The following PRKCE variants were observed in gnomAD, a reference collection of about 807,000 sequenced individuals.
PRKCE encodes protein kinase C epsilon type.
PRKCE carries 16 observed loss-of-function variants against 85.4 expected under a neutral mutation model. That is an observed-to-expected ratio of 0.19 (90% CI 0.13 to 0.28). The LOEUF (loss-of-function observed/expected upper bound fraction) is 0.28, where lower values mean the gene tolerates loss of function less well. Among genes scored for constraint, PRKCE ranks in the 10% least tolerant of loss-of-function variants. The probability of loss-of-function intolerance (pLI) is 1.00; values close to 1 mark genes in which losing one functional copy is unlikely to be tolerated. For missense variants in PRKCE, 573 were observed against 975.2 expected, an observed-to-expected ratio of 0.59 and a Z score of 5.49; for synonymous variants, 388 against 371.5, an observed-to-expected ratio of 1.04 and a Z score of -0.51.
chr2:46,096,665 C>A (rs1670711188), intron 11 of PRKCE, among the ~76,000 whole-genome samples: 1 of 152,178 alleles, frequency 6.6e-6, no homozygotes, highest in Admixed American at 6.5e-5. Flanking sequence ...CTTGGTCTTA[C>A]ACTTCTAGCC....
intron 2 of PRKCE, among the ~76,000 whole-genome samples, chr2:45,958,190 CAAAAAA>C (rs60711691): frequency 3.6e-5 from 4 of 110,088 alleles, no homozygotes; most frequent in East Asian, 5.5e-4. Flanking sequence ...ATTAGGCCCG[CAAAAAA>C]AAAAAAAAAA....
At chr2:45,763,753 C>G (rs1684699620) in intron 1 of PRKCE, among the ~76,000 whole-genome samples, 1 of 152,086 alleles carries the variant, frequency 6.6e-6, no homozygotes, top group Non-Finnish European at 1.5e-5. Context: ...GTAGTTTAAC[C>G]CACTCATTTT....
chr2:45,665,598 A>T (rs1004280884), intron 1 of PRKCE, among the ~76,000 whole-genome samples: 16 of 152,186 alleles, frequency 1.1e-4, no homozygotes, highest in Admixed American at 7.9e-4. Context: ...TTGCTTCTTC[A>T]TGACACCATC....
At chr2:45,661,536 T>TG (rs200768632) in intron 1 of PRKCE, among the ~76,000 whole-genome samples, 393 of 137,458 alleles carry the variant, frequency 2.9e-3, no homozygotes, top group African/African-American at 9.5e-3. Flanking sequence ...TTTTGTTTTT[T>TG]TTTTTTTTTT....
chr2:46,159,829 A>G lies in PRKCE; in HGVS notation c.2067+77A>G. On this transcript the variant is annotated intron_variant, in intron 14 of 14. Transcript: ENST00000306156. This position sits in a 1 kb window ranked among gnomAD's most constrained non-coding sequence, Gnocchi z 4.1. ...GCAGGACAGGCTGCGTGCACCCAGG[A>G]AGAGTTGGTCAGGGGATGCGTATTA... The G allele has an allele frequency of 1.3e-6, 2 of 1,562,334 alleles. No homozygotes were observed. Among genetic ancestry groups the G allele is most frequent in the Non-Finnish European group, 1.7e-6 (2 of 1,158,992 alleles).
At chr2:45,911,671 G>A (rs969533166) in intron 2 of PRKCE, among the ~76,000 whole-genome samples, 1 of 152,156 alleles carries the variant, frequency 6.6e-6, no homozygotes, top group Non-Finnish European at 1.5e-5. Flanking sequence ...TAACTGAGTT[G>A]GTCATGTTAC....
chr2:46,069,105 T>C (rs1489083770), intron 10 of PRKCE, among the ~76,000 whole-genome samples: 3 of 152,182 alleles, frequency 2.0e-5, no homozygotes, highest in Non-Finnish European at 4.4e-5. Flanking sequence ...CAAATGACAA[T>C]GGAGATGCTT....
intron 2 of PRKCE, among the ~76,000 whole-genome samples, chr2:45,973,261 T>G (rs930364165): frequency 5.9e-5 from 9 of 152,184 alleles, no homozygotes; most frequent in African/African-American, 2.2e-4. Context: ...CACTTTCTTC[T>G]CCACCTGTGG....
chr2:45,962,241 C>A (rs1329953746), intron 2 of PRKCE, among the ~76,000 whole-genome samples: 1 of 152,220 alleles, frequency 6.6e-6, no homozygotes, highest in Non-Finnish European at 1.5e-5. Context: ...TAATGTAGAA[C>A]CATTCCTACT....
At chr2:46,015,130 G>A (rs1706016121) in intron 10 of PRKCE, among the ~76,000 whole-genome samples, 1 of 152,082 alleles carries the variant, frequency 6.6e-6, no homozygotes, top group Non-Finnish European at 1.5e-5. Context: ...CAGGGTTTGT[G>A]GGGGAAGTGA....
rs1677065209 is a variant in PRKCE at position 46,155,070 on chromosome 2, G to A, written c.1920+3841G>A. Among the ~76,000 whole-genome samples the A allele has an allele frequency of 6.6e-6, 1 of 152,116 alleles. No homozygotes were observed. The highest frequency in any genetic ancestry group is 2.4e-5 in the African/African-American group (1 of 41,398). On this transcript the variant is annotated intron_variant, in intron 13 of 14. Transcript: ENST00000306156. This position sits in a 1 kb window ranked among gnomAD's most constrained non-coding sequence, Gnocchi z 4.7. ...TTAAATGCCTGCAAGAGCCCAGCAG[G>A]AGCTGTGGAAGGTGAACAGGACTGG...
At position 45,651,876 on chromosome 2, in the gene PRKCE, G is replaced by C. The variant is rs974337332; in HGVS notation, c.-225G>C. ...TTGCTCCAAACACGGACATCCCCCA[G>C]CTCTCCCCCCTCCCTGTTTTCCGTT... is the stretch of plus-strand genomic sequence containing the variant. On this transcript the variant is annotated 5_prime_UTR_variant, in exon 1 of 15. Transcript: ENST00000306156. 13 of 477,378 alleles carry C rather than the reference G, an allele frequency of 2.7e-5. No individual in the cohort carries two copies. Among genetic ancestry groups the C allele is most frequent in the Admixed American group, 1.5e-4 (4 of 26,004 alleles). 29.6% of individuals were successfully genotyped at this position (477,378 alleles called of 1,614,324 possible).
intron 11 of PRKCE, among the ~76,000 whole-genome samples, chr2:46,115,820 A>C (rs1208365630): frequency 6.6e-6 from 1 of 152,172 alleles, no homozygotes; most frequent in Non-Finnish European, 1.5e-5. Flanking sequence ...TACCCCGGGG[A>C]ACTCGGCTGA....
At chr2:45,901,209 C>G (rs976725869) in intron 2 of PRKCE, among the ~76,000 whole-genome samples, 3 of 152,180 alleles carry the variant, frequency 2.0e-5, no homozygotes, top group Non-Finnish European at 4.4e-5. Flanking sequence ...AAATCCAGAA[C>G]TTAGTACAAA....
At position 45,962,807 on chromosome 2, in the gene PRKCE, C is replaced by T. The variant is rs72874353; in HGVS notation, c.413-13622C>T. Among the ~76,000 whole-genome samples the T allele has an allele frequency of 8.3e-3, 1,257 of 152,134 alleles. 17 individuals are homozygous for T. The highest frequency in any genetic ancestry group is 0.029 in the African/African-American group (1,184 of 41,496). On this transcript the variant is annotated intron_variant, in intron 2 of 14. Transcript: ENST00000306156. ...AGAGGCACTGTGCTGTGTGCATGTGCGTGTCAGAGCTCCTGAGCCCTGAAG... is the reference window on the plus strand; with the variant it reads ...AGAGGCACTGTGCTGTGTGCATGTGTGTGTCAGAGCTCCTGAGCCCTGAAG...
chr2:46,177,344 A>T (rs962709000), intron 14 of PRKCE, among the ~76,000 whole-genome samples: 1 of 152,272 alleles, frequency 6.6e-6, no homozygotes, highest in African/African-American at 2.4e-5. Context: ...ATAACAAAGT[A>T]CCAAAACCTG....
At chr2:45,847,217 T>G (rs1407225763) in intron 2 of PRKCE, among the ~76,000 whole-genome samples, 2 of 152,242 alleles carry the variant, frequency 1.3e-5, no homozygotes, top group Non-Finnish European at 2.9e-5. Context: ...GCCACTCATT[T>G]GCATTCCGTG....
intron 1 of PRKCE, among the ~76,000 whole-genome samples, chr2:45,807,261 A>G (rs997375064): frequency 1.3e-5 from 2 of 152,264 alleles, no homozygotes; most frequent in African/African-American, 4.8e-5. Flanking sequence ...TGCCTAGCAC[A>G]TGGCGGATGC....
chr2:45,837,960 C>T (rs2005271), intron 1 of PRKCE, among the ~76,000 whole-genome samples: 70,881 of 151,994 alleles, frequency 0.47, 16,846 homozygotes, highest in Middle Eastern at 0.57. Context: ...GCTTTGTAAA[C>T]GGCTGAGCAC....
Sources: gnomAD v4.1 joint callset for allele counts (sites outside exome capture counted in the v4.1 genomes callset) on GRCh38, gnomAD v4.1.1 for gene constraint, Gnocchi (gnomAD v3.1) non-coding constraint, MANE v1.5 for transcripts, NCBI Gene and HGNC (gene_info 2026-07-23, HGNC 2026-07-21) for gene names.